AK4: variants seen among roughly 807,000 people sequenced by gnomAD.
AK4 encodes adenylate kinase 4, also known as adenylate kinase 4, mitochondrial.
AK4 carries 13 observed loss-of-function variants against 24.6 expected under a neutral mutation model. The ratio of observed to expected loss-of-function variants is 0.53; its 90% CI spans 0.34 to 0.84. AK4 has a LOEUF of 0.84. AK4 is among the 40% of genes least tolerant of loss of function. The pLI, the probability that AK4 is intolerant of heterozygous loss-of-function variation, is 0.01. For synonymous variants in AK4, 88 were observed against 107.0 expected (o/e 0.82, Z 1.10); for missense variants, 192 against 288.2 (o/e 0.67, Z 2.42).
At chr1:65,151,143 A>G (rs1349664094) in intron 1 of AK4, among the ~76,000 whole-genome samples, 2 of 152,006 alleles carry the variant, frequency 1.3e-5, no homozygotes, top group Non-Finnish European at 1.5e-5. Context: ...TCGTAGAGAT[A>G]GGGTTTCACC....
chr1:65,190,702 T>C lies in AK4; in HGVS notation c.146-8T>C. On this transcript the variant is annotated splice_region_variant and splice_polypyrimidine_tract_variant and intron_variant, in intron 1 of 4. Transcript: ENST00000327299. ...TGAATACCTCTTTTTTTCTTGTCTT[T>C]TTAATAGAAGTTGGTGAGATGGCAA... The C allele has an allele frequency of 6.2e-7, 1 of 1,605,374 alleles. No individual in the cohort carries two copies. Among genetic ancestry groups the C allele is most frequent in the East Asian group, 2.2e-5 (1 of 44,694 alleles).
At chr1:65,216,281 C>T (rs958999802) in intron 2 of AK4, among the ~76,000 whole-genome samples, 12 of 152,114 alleles carry the variant, frequency 7.9e-5, no homozygotes, top group South Asian at 2.1e-4. Context: ...TACAGGCATG[C>T]GCCACCAGGC....
chr1:65,175,106 T>G (rs1014302384), intron 1 of AK4, among the ~76,000 whole-genome samples: 2 of 152,240 alleles, frequency 1.3e-5, no homozygotes, highest in African/African-American at 4.8e-5. Flanking sequence ...TGACAACCCC[T>G]GGTCCAGTAC....
At chr1:65,223,925 G>A (rs1190085058) in intron 3 of AK4, among the ~76,000 whole-genome samples, 3 of 152,112 alleles carry the variant, frequency 2.0e-5, no homozygotes, top group Non-Finnish European at 2.9e-5. Context: ...CCCGGGAGGC[G>A]GAGGTTGCAG....
chr1:65,201,263 ATCTCT>A (rs1269699259), intron 2 of AK4, among the ~76,000 whole-genome samples: 3 of 152,120 alleles, frequency 2.0e-5, no homozygotes, highest in Non-Finnish European at 4.4e-5. Flanking sequence ...AAAGCCTTGG[ATCTCT>A]TCTCTTTCTC....
chr1:65,153,194 A>G (rs543281947), intron 1 of AK4, among the ~76,000 whole-genome samples: 2 of 152,238 alleles, frequency 1.3e-5, no homozygotes, highest in Non-Finnish European at 2.9e-5. Flanking sequence ...TGTGACTTGA[A>G]TAAGGCATTC....
intron 2 of AK4, among the ~76,000 whole-genome samples, chr1:65,217,883 T>C (rs1330233873): frequency 6.6e-6 from 1 of 152,234 alleles, no homozygotes; most frequent in East Asian, 1.9e-4. Flanking sequence ...TTTCCAGCTT[T>C]ATCGCGGTAT....
Position 65,218,738 on chromosome 1 carries a change from T to C in AK4, c.266-16T>C, listed in dbSNP as rs780119405. The C allele has an allele frequency of 1.9e-6, 3 of 1,562,522 alleles. No homozygotes were observed. The South Asian group carries it at 3.6e-5, about 19-fold the overall frequency. On this transcript the variant is annotated splice_polypyrimidine_tract_variant and intron_variant, in intron 2 of 4. Coordinates refer to ENST00000327299, the MANE Select transcript of AK4 (RefSeq NM_013410.4). ...GCAATAGCTTGCATTTCACTTGTTT[T>C]GTTCTTTGCATTTAGGTTTTCCTAG...
intron 1 of AK4, among the ~76,000 whole-genome samples, chr1:65,171,538 C>A (rs781504279): frequency 1.6e-4 from 25 of 151,950 alleles, no homozygotes; most frequent in Admixed American, 4.6e-4. Flanking sequence ...AACCCCTGAC[C>A]TCCTGATCTG....
chr1:65,159,427 C>T (rs1314304956), intron 1 of AK4, among the ~76,000 whole-genome samples: 4 of 152,204 alleles, frequency 2.6e-5, no homozygotes, highest in South Asian at 2.1e-4. Flanking sequence ...GAGGCCAAGG[C>T]GGATGGATCA....
At chr1:65,222,510 C>T (rs943359039) in intron 3 of AK4, among the ~76,000 whole-genome samples, 4 of 152,126 alleles carry the variant, frequency 2.6e-5, no homozygotes, top group East Asian at 3.8e-4. Flanking sequence ...GAAGGAGGGA[C>T]GCTGTTGCTC....
Position 65,229,983 on chromosome 1 carries a change from C to G in AK4, c.*3806C>G, listed in dbSNP as rs1652584953. 6.6e-6 allele frequency: 1 copy of G among 152,376 alleles called. No individual in the cohort carries two copies. Among genetic ancestry groups the G allele is most frequent in the East Asian group, 1.9e-4 (1 of 5,186 alleles). The allele number at this position is 152,376 out of a possible 1,614,324, so 9.4% of individuals were successfully genotyped here. ...ACAAGCAATGATGAAGCATTGAACA[C>G]AGGTTAACTCCTGACTTTTGTACCA... On this transcript the variant is annotated 3_prime_UTR_variant, in exon 5 of 5. Coordinates refer to ENST00000327299, the MANE Select transcript of AK4 (RefSeq NM_013410.4).
At chr1:65,210,058 A>C (rs1039532829) in intron 2 of AK4, among the ~76,000 whole-genome samples, 1 of 152,198 alleles carries the variant, frequency 6.6e-6, no homozygotes, top group Non-Finnish European at 1.5e-5. Context: ...AATCCTCTCA[A>C]AATGCTGGGA....
rs1276884849 is a variant in AK4 at position 65,227,148 on chromosome 1, C to T, written c.*971C>T. 1 of 137,288 alleles carries T rather than the reference C, an allele frequency of 7.3e-6. No homozygotes were observed. Among genetic ancestry groups the T allele is most frequent in the Non-Finnish European group, 1.5e-5 (1 of 64,572 alleles). The allele number at this position is 137,288 out of a possible 1,614,324, so 8.5% of individuals were successfully genotyped here. A position where few individuals can be genotyped will look rare whatever the true frequency, so the allele number is the denominator to read the frequency against. The stretch of plus-strand genomic sequence containing the variant: ...TATCTTATGTATAGAAGTAATAAGA[C>T]CATTTGGAATTACTGGACTAATTGA... On this transcript the variant is annotated 3_prime_UTR_variant, in exon 5 of 5. Transcript: ENST00000327299.
intron 1 of AK4, among the ~76,000 whole-genome samples, chr1:65,187,932 T>C (rs1050960002): frequency 6.6e-6 from 1 of 152,232 alleles, no homozygotes; most frequent in African/African-American, 2.4e-5. Context: ...TTCCGCCTTT[T>C]GCAGCATGTT....
At position 65,171,253 on chromosome 1, in the gene AK4, C is replaced by CTT. The variant is rs562201269; in HGVS notation, c.146-19444_146-19443dup. The stretch of plus-strand genomic sequence containing the variant: ...TGGGATTACAGGCATAATTATAGGC[C>CTT]TTTTTTTTTTTTTTGGATATAGACT... On this transcript the variant is annotated intron_variant, in intron 1 of 4. Transcript: ENST00000327299. 8.5e-4 allele frequency among the ~76,000 whole-genome samples: 99 copies of CTT among 116,428 alleles called. 1 individual carries two copies. In the East Asian group the frequency reaches 0.012, roughly 14 times the overall value. The allele number at this position is 116,428 out of a possible 152,430, so 76.4% of individuals were successfully genotyped here.
chr1:65,210,477 G>C (rs779280543), intron 2 of AK4, among the ~76,000 whole-genome samples: 1 of 151,854 alleles, frequency 6.6e-6, no homozygotes, highest in Non-Finnish European at 1.5e-5. Context: ...CACCCTCCTC[G>C]CCACATACAC....
chr1:65,171,700 A>G (rs1049268429), intron 1 of AK4, among the ~76,000 whole-genome samples: 14 of 152,150 alleles, frequency 9.2e-5, no homozygotes, highest in Non-Finnish European at 1.5e-4. Context: ...CATAGCAGCT[A>G]TCATTGGATT....
intron 2 of AK4, among the ~76,000 whole-genome samples, chr1:65,192,330 A>T (rs749818795): frequency 2.2e-4 from 34 of 152,178 alleles, no homozygotes; most frequent in Admixed American, 9.2e-4. Context: ...TTATCCTTTT[A>T]TCAGGAGCCT....
Sources: allele counts gnomAD v4.1 joint callset (sites outside exome capture counted in the v4.1 genomes callset), GRCh38; gene constraint gnomAD v4.1.1; transcripts MANE v1.5; gene names NCBI Gene and HGNC (gene_info 2026-07-23, HGNC 2026-07-21).